CTCF: variants seen among roughly 807,000 people sequenced by gnomAD.
The protein encoded by CTCF is CCCTC-binding factor, also known as transcriptional repressor CTCF.
In CTCF, 7 loss-of-function variants were observed where a neutral mutation model predicts 72.3. The observed-to-expected ratio is 0.10, with a 90% CI of 0.06 to 0.18. The LOEUF (loss-of-function observed/expected upper bound fraction) is 0.18. CTCF is among the 10% of genes least tolerant of loss of function. The pLI is 1.00. For synonymous variants in CTCF, 374 were observed against 315.8 expected (o/e 1.18, Z -1.95); for missense variants, 516 against 949.1 (o/e 0.54, Z 6.00).
Position 67,621,601 on chromosome 16 carries a change from T to C in CTCF, c.1357+10T>C. 1 of 1,584,108 alleles carries C rather than the reference T, an allele frequency of 6.3e-7. No individual in the cohort carries two copies. Among genetic ancestry groups the C allele is most frequent in the Non-Finnish European group, 8.7e-7 (1 of 1,155,722 alleles). On this transcript the variant is annotated intron_variant, in intron 7 of 11. Transcript: ENST00000264010. ...CGAAAAAGTGATTTGGGTAAGTAGATTAACTAGTGAGAAGTGAAAAAAATA... is the reference window on the plus strand; with the variant it reads ...CGAAAAAGTGATTTGGGTAAGTAGACTAACTAGTGAGAAGTGAAAAAAATA...
chr16:67,621,405 AT>A (rs2052197233), intron 6 of CTCF, 36 bp from the exon 7 acceptor site: 1 of 1,463,756 alleles, frequency 6.8e-7, no homozygotes, highest in Non-Finnish European at 9.5e-7. Context: ...GTATTTATTC[AT>A]TTCATTTATG....
intron 2 of CTCF, among the ~76,000 whole-genome samples, chr16:67,607,611 A>G (rs991225537): frequency 6.6e-6 from 1 of 152,000 alleles, no homozygotes; most frequent in Admixed American, 6.6e-5. Context: ...CGGCCCATTC[A>G]CAAGATATAA....
At position 67,629,097 on chromosome 16, in the gene CTCF, C is replaced by T. The variant is rs962922429; in HGVS notation, c.1702-301C>T. 2.0e-5 allele frequency among the ~76,000 whole-genome samples: 3 copies of T among 151,854 alleles called. No individual in the cohort carries two copies. In the East Asian group the frequency reaches 5.8e-4, roughly 29 times the overall value. ...CTTAGGTGGATTGAAACCTGCACCC[C>T]ACCCTACCCCACCCTTAGCTAGCTG... On this transcript the variant is annotated intron_variant, in intron 9 of 11. Transcript: ENST00000264010.
chr16:67,586,726 T>C (rs1406147872), intron 2 of CTCF, among the ~76,000 whole-genome samples: 2 of 152,188 alleles, frequency 1.3e-5, no homozygotes, highest in African/African-American at 4.8e-5. Flanking sequence ...TTTCAGCCTC[T>C]TTTATTCTTC....
intron 4 of CTCF, 46 bp downstream of exon 4, chr16:67,612,167 T>A (rs1041708218): frequency 1.5e-5 from 24 of 1,561,182 alleles, no homozygotes; most frequent in Non-Finnish European, 1.9e-5. Context: ...ATGCTCAGAC[T>A]TCGCTTTTTA....
At chr16:67,596,243 T>C (rs941847292) in intron 2 of CTCF, among the ~76,000 whole-genome samples, 3 of 152,182 alleles carry the variant, frequency 2.0e-5, no homozygotes, top group East Asian at 1.9e-4. Context: ...TGAGCCACCA[T>C]GCCCAGTCTG....
chr16:67,605,417 A>G (rs57405637), intron 2 of CTCF, among the ~76,000 whole-genome samples: 6,610 of 152,306 alleles, frequency 0.043, 482 homozygotes, highest in African/African-American at 0.15. Flanking sequence ...ATGGAACAGC[A>G]TAGTAAGAAG....
chr16:67,584,770 A>G (rs2051646383), intron 2 of CTCF, among the ~76,000 whole-genome samples: 2 of 152,306 alleles, frequency 1.3e-5, no homozygotes, highest in Middle Eastern at 3.4e-3. Flanking sequence ...CCTTCATTTT[A>G]CAGATAAGAA....
chr16:67,606,766 T>G (rs1358504870), intron 2 of CTCF, among the ~76,000 whole-genome samples: 27 of 149,612 alleles, frequency 1.8e-4, no homozygotes, highest in Admixed American at 1.6e-3. Context: ...GTTTTTTTTT[T>G]TTTTTTTTTT....
chr16:67,595,514 A>G (rs959926968), intron 2 of CTCF, among the ~76,000 whole-genome samples: 2 of 152,192 alleles, frequency 1.3e-5, no homozygotes, highest in Non-Finnish European at 2.9e-5. Flanking sequence ...TAAGAAGCCA[A>G]AAAAGCATAT....
intron 7 of CTCF, among the ~76,000 whole-genome samples, chr16:67,624,335 G>A (rs2052252818): frequency 6.6e-6 from 1 of 151,586 alleles, no homozygotes; most frequent in Non-Finnish European, 1.5e-5. Context: ...CTGGTATAAT[G>A]ACTGTTGCTT....
At chr16:67,569,374 CG>C (rs2051383551) in intron 1 of CTCF, among the ~76,000 whole-genome samples, 1 of 151,250 alleles carries the variant, frequency 6.6e-6, no homozygotes. Flanking sequence ...TTAGTAGAGA[CG>C]GGGTTTCACT....
At chr16:67,631,680 A>ACCC (rs796178685) in intron 10 of CTCF, among the ~76,000 whole-genome samples, 4 of 57,186 alleles carry the variant, frequency 7.0e-5, no homozygotes, top group Non-Finnish European at 1.4e-4. Context: ...GGTCCCCCCC[A>ACCC]CCCCCCCCCC....
intron 7 of CTCF, among the ~76,000 whole-genome samples, chr16:67,624,348 G>A (rs907182179): frequency 6.6e-6 from 1 of 151,548 alleles, no homozygotes; most frequent in African/African-American, 2.4e-5. Context: ...TGTTGCTTAA[G>A]GTCATGAATG....
At chr16:67,629,927 A>G (rs948957065) in intron 10 of CTCF, among the ~76,000 whole-genome samples, 10 of 148,462 alleles carry the variant, frequency 6.7e-5, no homozygotes, top group African/African-American at 2.0e-4. Context: ...GGCGCCCACC[A>G]CCAGGCCTGG....
intron 2 of CTCF, among the ~76,000 whole-genome samples, chr16:67,577,969 A>G (rs2051523185): frequency 6.6e-6 from 1 of 152,166 alleles, no homozygotes; most frequent in South Asian, 2.1e-4. Context: ...GAAGAGTCTA[A>G]TGATTGTAGA....
At chr16:67,566,253 C>G in intron 1 of CTCF, among the ~76,000 whole-genome samples, 1 of 151,966 alleles carries the variant, frequency 6.6e-6, no homozygotes, top group East Asian at 1.9e-4. Context: ...CCTGTAATCC[C>G]AGCACTTTGG....
chr16:67,575,743 A>G (rs2051488044), intron 2 of CTCF, among the ~76,000 whole-genome samples: 1 of 152,044 alleles, frequency 6.6e-6, no homozygotes, highest in Non-Finnish European at 1.5e-5. Context: ...GCGCCCAGCC[A>G]AGTTGGTTAT....
intron 2 of CTCF, among the ~76,000 whole-genome samples, chr16:67,582,412 G>A (rs1333899589): frequency 6.6e-6 from 1 of 151,976 alleles, no homozygotes; most frequent in African/African-American, 2.4e-5. Flanking sequence ...ACGAGCATTG[G>A]CCAGGCAGGG....
Sources: allele counts gnomAD v4.1 joint callset (sites outside exome capture counted in the v4.1 genomes callset), GRCh38; gene constraint gnomAD v4.1.1; transcripts MANE v1.5; gene names NCBI Gene and HGNC (gene_info 2026-07-23, HGNC 2026-07-21).